The following BICC1 variants were observed in gnomAD, a reference collection of about 807,000 sequenced individuals.
BICC1 encodes the protein protein bicaudal C homolog 1.
Under a neutral mutation model 111.0 loss-of-function variants are expected in BICC1, and 43 were observed. The observed-to-expected ratio is 0.39, with a 90% CI of 0.30 to 0.50. The LOEUF (loss-of-function observed/expected upper bound fraction) is 0.50, where lower values mean the gene tolerates loss of function less well. Among genes scored for constraint, BICC1 ranks in the 20% least tolerant of loss-of-function variants. The probability of loss-of-function intolerance (pLI) is 0.88; values close to 1 mark genes in which losing one functional copy is unlikely to be tolerated. For synonymous variants in BICC1, 467 were observed against 434.4 expected, an observed-to-expected ratio of 1.07 and a Z score of -0.93; for missense variants, 1,091 against 1,203.2, an observed-to-expected ratio of 0.91 and a Z score of 1.38.
chr10:58,828,024 T>G (rs545251002), intron 20 of BICC1, among the ~76,000 whole-genome samples: 1 of 152,300 alleles, frequency 6.6e-6, no homozygotes, highest in African/African-American at 2.4e-5. Flanking sequence ...TCTGGCTGAG[T>G]TTATTGTAAA....
intron 14 of BICC1, 141 bp downstream of exon 14, chr10:58,801,187 AT>A (rs1249618761): frequency 6.0e-5 from 40 of 670,496 alleles, no homozygotes; most frequent in Middle Eastern, 4.5e-4. Flanking sequence ...TTTAAAAAAA[AT>A]ATTAAGGAAT....
At chr10:58,586,016 CAATT>C (rs1289482749) in intron 1 of BICC1, among the ~76,000 whole-genome samples, 5 of 152,086 alleles carry the variant, frequency 3.3e-5, no homozygotes, top group Non-Finnish European at 7.3e-5. Context: ...TAAACTTTAT[CAATT>C]AAGAGACACT....
intron 1 of BICC1, among the ~76,000 whole-genome samples, chr10:58,617,734 A>G (rs893127982): frequency 8.5e-5 from 13 of 152,256 alleles, no homozygotes; most frequent in Admixed American, 8.5e-4. Context: ...GTGGTTAACT[A>G]TCTAAAAGTA....
At chr10:58,741,695 G>T (rs1448889618) in intron 3 of BICC1, among the ~76,000 whole-genome samples, 1 of 152,092 alleles carries the variant, frequency 6.6e-6, no homozygotes, top group African/African-American at 2.4e-5. Context: ...TGAGTATCTT[G>T]TCCAAGGATT....
rs547400898 is a variant in BICC1, at chr10:58,682,917, G to T, written c.238-19157G>T. On this transcript the variant is annotated intron_variant, in intron 2 of 20. Transcript: ENST00000373886. ...ATCCCATTTGTCAATTTTGGCTTTT[G>T]TTGCCATTGCTTTGGTGTTTTAGTC... is the stretch of plus-strand genomic sequence containing the variant. Among the ~76,000 whole-genome samples the T allele has an allele frequency of 3.9e-5, 6 of 152,298 alleles. No homozygotes were observed. In the East Asian group the frequency reaches 1.2e-3, roughly 29 times the overall value.
chr10:58,734,172 G>A (rs1841400962), intron 3 of BICC1, among the ~76,000 whole-genome samples: 1 of 152,194 alleles, frequency 6.6e-6, no homozygotes. Context: ...TCTTCACCTA[G>A]TGGAGGGTGA....
intron 2 of BICC1, among the ~76,000 whole-genome samples, chr10:58,696,915 G>T (rs927991712): frequency 1.3e-5 from 2 of 152,072 alleles, no homozygotes; most frequent in Non-Finnish European, 2.9e-5. Flanking sequence ...TTCACTCTAG[G>T]GCTTCCCCCA....
chr10:58,620,902 G>T lies in BICC1; in HGVS notation c.237+1G>T. The T allele has an allele frequency of 6.2e-7, 1 of 1,613,054 alleles. No homozygotes were observed. The highest frequency in any genetic ancestry group is 8.5e-7 in the Non-Finnish European group (1 of 1,179,388). On this transcript the variant is annotated splice_donor_variant, in intron 2 of 20. Transcript: ENST00000373886. LOFTEE classifies it high-confidence loss of function. ...AAGTGGGGAAGACTTTTTTCAAAAG[G>T]TAAGTTGTCTTTTACTCTTGTCATG...
chr10:58,659,450 G>A (rs1390891788), intron 2 of BICC1, among the ~76,000 whole-genome samples: 1 of 152,150 alleles, frequency 6.6e-6, no homozygotes, highest in Non-Finnish European at 1.5e-5. Context: ...GATGGAGCTG[G>A]AGGTCATTAT....
intron 1 of BICC1, among the ~76,000 whole-genome samples, chr10:58,614,728 A>G (rs1036245629): frequency 6.6e-6 from 1 of 152,104 alleles, no homozygotes; most frequent in Non-Finnish European, 1.5e-5. Context: ...GGGCATGACA[A>G]AGTGTGATGT....
At chr10:58,579,228 A>T (rs192511210) in intron 1 of BICC1, among the ~76,000 whole-genome samples, 1 of 152,302 alleles carries the variant, frequency 6.6e-6, no homozygotes, top group East Asian at 1.9e-4. Context: ...CATTCCTTAG[A>T]ACTGGCTTGA....
At chr10:58,642,563 C>T (rs1838154650) in intron 2 of BICC1, among the ~76,000 whole-genome samples, 1 of 152,146 alleles carries the variant, frequency 6.6e-6, no homozygotes, top group Non-Finnish European at 1.5e-5. Context: ...CCTTTCTGTT[C>T]CACTCAGCCA....
intron 3 of BICC1, among the ~76,000 whole-genome samples, chr10:58,727,994 C>T (rs1589069696): frequency 1.3e-5 from 2 of 152,300 alleles, no homozygotes; most frequent in African/African-American, 2.4e-5. Flanking sequence ...TGCTAGTGAT[C>T]ATCTGAGCTT....
At chr10:58,619,020 G>GT (rs66495957) in intron 1 of BICC1, among the ~76,000 whole-genome samples, 93,715 of 151,950 alleles carry the variant, frequency 0.62, 29,241 homozygotes, top group African/African-American at 0.69. Context: ...ATCTCTCCTT[G>GT]TGCTTCCATT....
intron 2 of BICC1, among the ~76,000 whole-genome samples, chr10:58,656,068 C>T (rs1027350123): frequency 6.6e-5 from 10 of 152,198 alleles, no homozygotes; most frequent in Non-Finnish European, 1.3e-4. Flanking sequence ...ATACTACAGA[C>T]ACCTCTACGC....
At position 58,769,404 on chromosome 10, in the gene BICC1, GTATATA is replaced by G. The variant is rs59606054; in HGVS notation, c.308-15580_308-15575del. On this transcript the variant is annotated intron_variant, in intron 3 of 20. Transcript: ENST00000373886. ...TGTGTGTGTGTGTGTGTGTGTGTGTGTATATATATATATATATATATAATCACAGTA... is the reference window on the plus strand; with the variant it reads ...TGTGTGTGTGTGTGTGTGTGTGTGTGTATATATATATATATAATCACAGTA... Among the ~76,000 whole-genome samples, 6 of 109,744 alleles carry G rather than the reference GTATATA, an allele frequency of 5.5e-5. No homozygotes were observed. In the South Asian group the frequency reaches 1.4e-3, roughly 25 times the overall value. The allele number at this position is 109,744 out of a possible 152,430, so 72.0% of individuals were successfully genotyped here. A position where few individuals can be genotyped will look rare whatever the true frequency, so the allele number is the denominator to read the frequency against.
intron 2 of BICC1, among the ~76,000 whole-genome samples, chr10:58,660,177 A>G (rs1215413200): frequency 6.6e-6 from 1 of 152,178 alleles, no homozygotes; most frequent in African/African-American, 2.4e-5. Context: ...TGAGCAGCTA[A>G]TATTCCCAGA....
At chr10:58,596,454 C>G (rs1844816283) in intron 1 of BICC1, among the ~76,000 whole-genome samples, 1 of 152,144 alleles carries the variant, frequency 6.6e-6, no homozygotes, top group Non-Finnish European at 1.5e-5. Flanking sequence ...CAGCCAATAT[C>G]ATAGTAAATG....
At position 58,741,169 on chromosome 10, in the gene BICC1, TTGTTGGAAGG is replaced by T. The variant is rs1841651553; in HGVS notation, c.307+39032_307+39041del. On this transcript the variant is annotated intron_variant, in intron 3 of 20. Transcript: ENST00000373886. ...GAATCACCTGAAGAGGGCAGACGAG[TTGTTGGAAGG>T]TGTTGACCGTAATACAGATGAGAGA... Among the ~76,000 whole-genome samples, 3 of 152,072 alleles carry T rather than the reference TTGTTGGAAGG, an allele frequency of 2.0e-5. No homozygotes were observed. In the South Asian group the frequency reaches 6.2e-4, roughly 32 times the overall value.
Sources: gnomAD v4.1 joint callset for allele counts (sites outside exome capture counted in the v4.1 genomes callset) on GRCh38, gnomAD v4.1.1 for gene constraint, MANE v1.5 for transcripts, NCBI Gene and HGNC (gene_info 2026-07-23, HGNC 2026-07-21) for gene names.